Variants in HCN1 observed in about 807,000 individuals in gnomAD.
HCN1 encodes potassium/sodium hyperpolarization-activated cyclic nucleotide-gated channel 1.
A neutral mutation model predicts 78.9 loss-of-function variants in HCN1; 13 were observed. The observed-to-expected ratio is 0.16, with a 90% CI of 0.11 to 0.26. The LOEUF is 0.26. Among genes scored for constraint, HCN1 ranks in the 10% least tolerant of loss-of-function variants. The probability of loss-of-function intolerance (pLI) is 1.00; values close to 1 mark genes in which losing one functional copy is unlikely to be tolerated. For missense variants in HCN1, 810 were observed against 1,154.3 expected, an observed-to-expected ratio of 0.70 and a Z score of 4.32; for synonymous variants, 552 against 455.5, an observed-to-expected ratio of 1.21 and a Z score of -2.70.
intron 2 of HCN1, among the ~76,000 whole-genome samples, chr5:45,578,250 C>T (rs1234241177): frequency 1.3e-5 from 2 of 151,912 alleles, no homozygotes; most frequent in African/African-American, 2.4e-5. Context: ...TCTAAAGGGT[C>T]TCAAATGAGG....
rs1060500095 is a variant in HCN1 at position 45,695,966 on chromosome 5, G to T, written c.128C>A (p.Pro43Gln). The T allele has an allele frequency of 6.0e-6, 8 of 1,324,782 alleles. No individual in the cohort carries two copies. Among genetic ancestry groups the T allele is most frequent in the African/African-American group, 4.7e-5 (3 of 63,958 alleles). The allele number at this position is 1,324,782 out of a possible 1,614,324, so 82.1% of individuals were successfully genotyped here. A position where few individuals can be genotyped will look rare whatever the true frequency, so the allele number is the denominator to read the frequency against. Residue 43 changes from proline to glutamine, a missense_variant, in exon 1 of 8, where the codon CCG becomes CAG. Pro to Gln is a moderately conservative substitution (Grantham distance 76, BLOSUM62 -1). Transcript: ENST00000303230. The part of the protein sequence containing the change: ...AAAEKRLGTP[P>Q]GGGGAGAKEH... ...CTTCGCGCCGGCCCCGCCGCCCCCC[G>T]GCGGGGTGCCCAGGCGCTTCTCGGC...
chr5:45,678,120 G>A (rs912066632), intron 1 of HCN1, among the ~76,000 whole-genome samples: 5 of 151,550 alleles, frequency 3.3e-5, no homozygotes, highest in Admixed American at 1.3e-4. Context: ...CGGCTTCCTC[G>A]GATTATTTAC....
chr5:45,466,821 G>A (rs537929604), intron 2 of HCN1, among the ~76,000 whole-genome samples: 7 of 152,132 alleles, frequency 4.6e-5, no homozygotes, highest in South Asian at 2.1e-4. Context: ...TACTTCATAT[G>A]AGAGAATAAC....
At chr5:45,300,312 C>T (rs906595013) in intron 6 of HCN1, among the ~76,000 whole-genome samples, 2 of 151,950 alleles carry the variant, frequency 1.3e-5, no homozygotes, top group African/African-American at 4.8e-5. Flanking sequence ...CAGGTTTGAG[C>T]TAGGCAAGCC....
At chr5:45,361,355 A>C (rs1158009199) in intron 4 of HCN1, among the ~76,000 whole-genome samples, 1 of 152,022 alleles carries the variant, frequency 6.6e-6, no homozygotes, top group African/African-American at 2.4e-5. Context: ...GTGTACTTTC[A>C]GTAGAGATGG....
chr5:45,526,845 C>G (rs1742745325), intron 2 of HCN1, among the ~76,000 whole-genome samples: 1 of 152,030 alleles, frequency 6.6e-6, no homozygotes, highest in Non-Finnish European at 1.5e-5. Flanking sequence ...CTACCATGCT[C>G]AGCCACAGAA....
At chr5:45,280,561 G>A (rs2111867327) in intron 6 of HCN1, among the ~76,000 whole-genome samples, 1 of 152,198 alleles carries the variant, frequency 6.6e-6, no homozygotes, top group Non-Finnish European at 1.5e-5. Context: ...GAAGCCAATA[G>A]CAAACTCCTC....
At chr5:45,263,445 C>A (rs1744790842) in intron 7 of HCN1, among the ~76,000 whole-genome samples, 2 of 152,144 alleles carry the variant, frequency 1.3e-5, no homozygotes, top group South Asian at 4.1e-4. Context: ...GAAAATGAAC[C>A]AACTGCCCCT....
rs1264819600 is a variant in HCN1, at chr5:45,261,203, G to C, written c.*718C>G. The C allele has an allele frequency of 6.6e-6, 1 of 152,540 alleles. No homozygotes were observed. Among genetic ancestry groups the C allele is most frequent in the Non-Finnish European group, 1.5e-5 (1 of 67,988 alleles). The allele number at this position is 152,540 out of a possible 1,614,324, so 9.4% of individuals were successfully genotyped here. On this transcript the variant is annotated 3_prime_UTR_variant, in exon 8 of 8. Transcript: ENST00000303230. ...AGCTATTTTTATTTGGGTTGAAAAA[G>C]TTATTTACAACTAACATTGATCGAG...
chr5:45,379,605 T>G (rs922847732), intron 4 of HCN1, among the ~76,000 whole-genome samples: 4 of 152,134 alleles, frequency 2.6e-5, no homozygotes, highest in African/African-American at 9.6e-5. Flanking sequence ...ATTATGAAAC[T>G]TCTATTTGTG....
intron 5 of HCN1, among the ~76,000 whole-genome samples, chr5:45,341,383 C>T (rs1746577828): frequency 6.6e-6 from 1 of 152,186 alleles, no homozygotes; most frequent in Non-Finnish European, 1.5e-5. Flanking sequence ...GCAAACTTTC[C>T]ACTCCATTAG....
At chr5:45,559,283 A>C (rs1048432748) in intron 2 of HCN1, 1 of 152,102 alleles carries the variant, frequency 6.6e-6, no homozygotes, top group African/African-American at 2.4e-5. Flanking sequence ...GAGTATTTTC[A>C]ACTTTCAAGT....
At chr5:45,310,384 C>T (rs750682099) in intron 5 of HCN1, among the ~76,000 whole-genome samples, 5 of 152,008 alleles carry the variant, frequency 3.3e-5, no homozygotes, top group African/African-American at 9.7e-5. Flanking sequence ...CAAAAGAAGA[C>T]ATACATGTGG....
rs190983878 is a variant in HCN1, at chr5:45,600,319, T to C, written c.849+44866A>G. Among the ~76,000 whole-genome samples, 9 of 152,170 alleles carry C rather than the reference T, an allele frequency of 5.9e-5. No homozygotes were observed. In the East Asian group the frequency reaches 1.5e-3, roughly 26 times the overall value. ...ACCCCAAAATATTTTTCCTACTTTCTCTCTTTTTACCAGAAATCATATATA... is the reference window on the plus strand; with the variant it reads ...ACCCCAAAATATTTTTCCTACTTTCCCTCTTTTTACCAGAAATCATATATA... On this transcript the variant is annotated intron_variant, in intron 2 of 7. Transcript: ENST00000303230.
chr5:45,261,705 A>C lies in HCN1; in HGVS notation c.*216T>G. 2.1e-6 allele frequency: 1 copy of C among 472,250 alleles called. No individual in the cohort carries two copies. Among genetic ancestry groups the C allele is most frequent in the Non-Finnish European group, 3.7e-6 (1 of 267,002 alleles). The allele number at this position is 472,250 out of a possible 1,614,324, so 29.3% of individuals were successfully genotyped here. On this transcript the variant is annotated 3_prime_UTR_variant, in exon 8 of 8. Transcript: ENST00000303230. ...AAGAAAGGAAGACATATAACACTGAATGCTAAACAGGTCTTTTGACCCTCT... is the reference window on the plus strand; with the variant it reads ...AAGAAAGGAAGACATATAACACTGACTGCTAAACAGGTCTTTTGACCCTCT...
At chr5:45,372,657 CATTTATATATAAAAA>C (rs1747433859) in intron 4 of HCN1, among the ~76,000 whole-genome samples, 1 of 74,228 alleles carries the variant, frequency 1.3e-5, no homozygotes, top group Non-Finnish European at 2.2e-5. Flanking sequence ...ATATATAAAA[CATTTATATATAAAAA>C]TATAAAATAT....
At chr5:45,544,749 C>G (rs543632464) in intron 2 of HCN1, among the ~76,000 whole-genome samples, 11 of 152,004 alleles carry the variant, frequency 7.2e-5, no homozygotes, top group Admixed American at 2.0e-4. Context: ...TGGTTTCCAG[C>G]TCATCCATGT....
intron 2 of HCN1, among the ~76,000 whole-genome samples, chr5:45,569,578 G>A (rs1189001732): frequency 6.6e-6 from 1 of 151,816 alleles, no homozygotes; most frequent in Non-Finnish European, 1.5e-5. Context: ...CTCAATTACT[G>A]TTTTGGTTAT....
At chr5:45,421,105 C>T (rs1242583027) in intron 3 of HCN1, among the ~76,000 whole-genome samples, 1 of 151,788 alleles carries the variant, frequency 6.6e-6, no homozygotes, top group East Asian at 1.9e-4. Flanking sequence ...CTCTGTCGCC[C>T]AGGCTGGAGT....
Sources: allele counts gnomAD v4.1 joint callset (sites outside exome capture counted in the v4.1 genomes callset), GRCh38; gene constraint gnomAD v4.1.1; transcripts MANE v1.5; gene names NCBI Gene and HGNC (gene_info 2026-07-23, HGNC 2026-07-21).